Variants in WWOX observed in about 807,000 individuals in gnomAD.
WWOX encodes the protein WW domain containing oxidoreductase.
A neutral mutation model predicts 46.2 loss-of-function variants in WWOX; 69 were observed. The ratio of observed to expected loss-of-function variants is 1.49; its 90% confidence interval spans 1.23 to 1.82. The LOEUF (loss-of-function observed/expected upper bound fraction) is 1.82. Ranked by LOEUF, WWOX falls within the 40% of genes most tolerant of loss-of-function variation. The pLI is 0.00. For missense variants in WWOX, 919 were observed against 542.6 expected, an observed-to-expected ratio of 1.69 and a Z score of -6.89; for synonymous variants, 359 against 202.6, an observed-to-expected ratio of 1.77 and a Z score of -6.56.
At chr16:78,200,361 A>G (rs1336601445) in intron 5 of WWOX, among the ~76,000 whole-genome samples, 1 of 151,584 alleles carries the variant, frequency 6.6e-6, no homozygotes, top group East Asian at 1.9e-4. Flanking sequence ...ATTCGCTCTT[A>G]CAACAATAGG....
intron 8 of WWOX, among the ~76,000 whole-genome samples, chr16:79,179,796 G>A (rs1431845513): frequency 2.6e-5 from 4 of 152,210 alleles, no homozygotes; most frequent in African/African-American, 9.6e-5. Flanking sequence ...CTTGGGATGT[G>A]TAATGGAGAT....
At chr16:79,157,222 C>G (rs773326848) in intron 8 of WWOX, among the ~76,000 whole-genome samples, 12 of 152,106 alleles carry the variant, frequency 7.9e-5, no homozygotes, top group Non-Finnish European at 1.3e-4. Flanking sequence ...GCCAAAAAGA[C>G]AAAACAAGAG....
intron 8 of WWOX, among the ~76,000 whole-genome samples, chr16:78,839,735 G>C (rs1292649691): frequency 6.6e-6 from 1 of 152,102 alleles, no homozygotes; most frequent in African/African-American, 2.4e-5. Flanking sequence ...TTCCTACCAA[G>C]TCACAGGCTT....
chr16:79,209,604 G>C (rs1413038886), intron 8 of WWOX, among the ~76,000 whole-genome samples: 1 of 152,130 alleles, frequency 6.6e-6, no homozygotes, highest in Admixed American at 6.6e-5. Flanking sequence ...GGTCGTTTTG[G>C]CAGCTGCAAG....
intron 8 of WWOX, among the ~76,000 whole-genome samples, chr16:78,938,502 G>A (rs1422676349): frequency 6.6e-6 from 1 of 152,056 alleles, no homozygotes; most frequent in African/African-American, 2.4e-5. Flanking sequence ...TGCTGTCTCG[G>A]TGGGCCTGTT....
intron 8 of WWOX, among the ~76,000 whole-genome samples, chr16:78,983,536 CAG>C (rs1413295102): frequency 1.3e-5 from 2 of 152,162 alleles, no homozygotes; most frequent in Admixed American, 1.3e-4. Flanking sequence ...GTTAAGATCT[CAG>C]AATGAGTTGT....
At chr16:78,159,952 G>C (rs1488713409) in intron 4 of WWOX, among the ~76,000 whole-genome samples, 1 of 151,420 alleles carries the variant, frequency 6.6e-6, no homozygotes, top group South Asian at 2.1e-4. Context: ...TTCTGTCTCT[G>C]TCTCTCTCTC....
chr16:78,792,432 G>T (rs1374750649), intron 8 of WWOX, among the ~76,000 whole-genome samples: 1 of 152,086 alleles, frequency 6.6e-6, no homozygotes, highest in African/African-American at 2.4e-5. Flanking sequence ...TCTTCATTCT[G>T]GGCCAGAGCA....
At chr16:78,686,992 G>T (rs997294393) in intron 8 of WWOX, among the ~76,000 whole-genome samples, 3 of 152,190 alleles carry the variant, frequency 2.0e-5, no homozygotes, top group Non-Finnish European at 2.9e-5. Context: ...CTATATCTCA[G>T]TTTTCCTTAT....
intron 5 of WWOX, among the ~76,000 whole-genome samples, chr16:78,375,996 G>A (rs919595937): frequency 2.6e-5 from 4 of 151,862 alleles, no homozygotes; most frequent in African/African-American, 7.3e-5. Context: ...GACTACCAGC[G>A]CATGTCACCA....
At chr16:78,328,964 C>T (rs1394998043) in intron 5 of WWOX, among the ~76,000 whole-genome samples, 3 of 151,990 alleles carry the variant, frequency 2.0e-5, no homozygotes, top group Non-Finnish European at 4.4e-5. Context: ...TGGGTTGAAG[C>T]GATTCTCCTG....
chr16:78,552,863 C>G (rs1454041065), intron 8 of WWOX: 1 of 152,146 alleles, frequency 6.6e-6, no homozygotes, highest in Non-Finnish European at 1.5e-5. Flanking sequence ...GAAATGACTG[C>G]TATTGCAAAG....
intron 4 of WWOX, chr16:78,123,440 G>GTTTTGTTTTGTTTTTTTT (rs1567584444): frequency 2.0e-4 from 10 of 50,480 alleles, no homozygotes; most frequent in Admixed American, 4.8e-4. Context: ...TTTTTGTTTT[G>GTTTTGTTTTGTTTTTTTT]TTTTTTTTTT....
At chr16:78,996,372 A>ACCCC (rs1193777245) in intron 8 of WWOX, 7 of 459,806 alleles carry the variant, frequency 1.5e-5, no homozygotes, top group Admixed American at 2.3e-4. Flanking sequence ...TGAATTCTGC[A>ACCCC]CCCACCCCCG....
rs192609074 is a variant in WWOX at position 79,042,985 on chromosome 16, T to G, written c.1057-168623T>G. Among the ~76,000 whole-genome samples the G allele has an allele frequency of 3.1e-3, 473 of 152,304 alleles. 2 individuals are homozygous for G. The highest frequency in any genetic ancestry group is 0.011 in the African/African-American group (449 of 41,576). ...ATCCTTCTTGACTGTCTGCTAAGAT[T>G]CACTCTTGGTCTTGTCTTTGAGCTT... On this transcript the variant is annotated intron_variant, in intron 8 of 8. Transcript: ENST00000566780.
intron 8 of WWOX, among the ~76,000 whole-genome samples, chr16:78,908,126 A>G (rs2045013918): frequency 6.6e-6 from 1 of 152,176 alleles, no homozygotes; most frequent in Admixed American, 6.5e-5. Flanking sequence ...TTACACCAGG[A>G]TTCTATGGCC....
At chr16:78,517,243 C>G (rs1417301843) in intron 8 of WWOX, among the ~76,000 whole-genome samples, 3 of 152,124 alleles carry the variant, frequency 2.0e-5, no homozygotes, top group African/African-American at 7.2e-5. Flanking sequence ...TTTCCTGAAA[C>G]AAAATATTTG....
chr16:78,218,031 C>G (rs1597365350), intron 5 of WWOX, among the ~76,000 whole-genome samples: 1 of 152,080 alleles, frequency 6.6e-6, no homozygotes, highest in Admixed American at 6.6e-5. Context: ...TTCCCTCTCC[C>G]TCCCTGTGCT....
At chr16:79,208,658 CTT>C (rs1373764829) in intron 8 of WWOX, among the ~76,000 whole-genome samples, 1 of 151,324 alleles carries the variant, frequency 6.6e-6, no homozygotes, top group African/African-American at 2.4e-5. Flanking sequence ...TTTAAGAATG[CTT>C]TCTCTTTTAT....
Sources: gnomAD v4.1 joint callset for allele counts (sites outside exome capture counted in the v4.1 genomes callset) on GRCh38, gnomAD v4.1.1 for gene constraint, MANE v1.5 for transcripts, NCBI Gene and HGNC (gene_info 2026-07-23, HGNC 2026-07-21) for gene names.